Variants in EXOC6B observed in about 807,000 individuals in gnomAD.
EXOC6B encodes the protein exocyst complex component 6B, also known as SEC15 homolog B.
EXOC6B carries 54 observed loss-of-function variants against 113.5 expected under a neutral mutation model. The observed-to-expected ratio is 0.48, with a 90% CI of 0.38 to 0.60. The LOEUF is 0.60. EXOC6B is among the 20% of genes least tolerant of loss of function. EXOC6B has a pLI of 0.00. For missense variants in EXOC6B, 797 were observed against 977.5 expected (o/e 0.82, Z 2.46); for synonymous variants, 357 against 339.0 (o/e 1.05, Z -0.58).
chr2:72,272,882 T>G (rs1405613189), intron 20 of EXOC6B, among the ~76,000 whole-genome samples: 1 of 152,180 alleles, frequency 6.6e-6, no homozygotes, highest in Non-Finnish European at 1.5e-5. Context: ...TACTGAATAA[T>G]TCCCTCCTAT....
At chr2:72,242,650 AAC>A (rs919037791) in intron 20 of EXOC6B, among the ~76,000 whole-genome samples, 10 of 152,242 alleles carry the variant, frequency 6.6e-5, no homozygotes, top group Admixed American at 1.3e-4. Flanking sequence ...AGTCACTTCA[AAC>A]ACAAAACGGT....
At chr2:72,336,680 G>A (rs951266608) in intron 19 of EXOC6B, among the ~76,000 whole-genome samples, 16 of 151,930 alleles carry the variant, frequency 1.1e-4, no homozygotes, top group Admixed American at 1.3e-4. Flanking sequence ...TAATTCTATC[G>A]TATATTGCCC....
intron 20 of EXOC6B, among the ~76,000 whole-genome samples, chr2:72,229,659 T>C (rs1244473378): frequency 2.0e-5 from 3 of 152,190 alleles, no homozygotes; most frequent in African/African-American, 7.2e-5. Context: ...GTTATATTCA[T>C]AGTTAATACT....
At chr2:72,310,712 T>C (rs1355839229) in intron 20 of EXOC6B, among the ~76,000 whole-genome samples, 1 of 152,154 alleles carries the variant, frequency 6.6e-6, no homozygotes. Flanking sequence ...ACTTGCTTTT[T>C]TGATGTCATA....
intron 6 of EXOC6B, among the ~76,000 whole-genome samples, chr2:72,715,152 G>A (rs370555264): frequency 1.3e-5 from 2 of 152,034 alleles, no homozygotes; most frequent in Admixed American, 6.6e-5. Context: ...ACTTGAACCC[G>A]AGAGGCAGAG....
chr2:72,319,909 C>A (rs919421255), intron 20 of EXOC6B, among the ~76,000 whole-genome samples: 2 of 152,010 alleles, frequency 1.3e-5, no homozygotes, highest in Non-Finnish European at 2.9e-5. Context: ...GATCTCAGCC[C>A]ACTACAACCT....
chr2:72,791,677 G>A (rs11693376), intron 1 of EXOC6B, among the ~76,000 whole-genome samples: 83,913 of 152,210 alleles, frequency 0.55, 28,284 homozygotes, highest in East Asian at 0.92. Context: ...CAAATGATGT[G>A]AAAGCTGGGA....
intron 20 of EXOC6B, among the ~76,000 whole-genome samples, chr2:72,250,702 T>C (rs1455880345): frequency 6.6e-6 from 1 of 152,168 alleles, no homozygotes; most frequent in Non-Finnish European, 1.5e-5. Context: ...ATTTACTTGA[T>C]TTGAAATCTA....
intron 18 of EXOC6B, among the ~76,000 whole-genome samples, chr2:72,422,337 T>C (rs534097735): frequency 6.6e-6 from 1 of 152,236 alleles, no homozygotes; most frequent in African/African-American, 2.4e-5. Context: ...AGCTCATGGA[T>C]TGTAAACACC....
At chr2:72,298,398 C>A (rs1269189879) in intron 20 of EXOC6B, among the ~76,000 whole-genome samples, 3 of 152,050 alleles carry the variant, frequency 2.0e-5, no homozygotes, top group Non-Finnish European at 2.9e-5. Context: ...TGAGATGGAT[C>A]TCCTGAATAC....
At chr2:72,397,617 CAAAAA>C (rs1229846045) in intron 18 of EXOC6B, among the ~76,000 whole-genome samples, 2 of 93,412 alleles carry the variant, frequency 2.1e-5, no homozygotes, top group African/African-American at 6.8e-5. Flanking sequence ...AACCTCATCT[CAAAAA>C]AAAAAAATAA....
chr2:72,383,380 C>A (rs143516235), intron 18 of EXOC6B, among the ~76,000 whole-genome samples: 6 of 152,008 alleles, frequency 3.9e-5, no homozygotes, highest in African/African-American at 9.7e-5. Context: ...ATGTGGCCAA[C>A]AAGCATATGA....
chr2:72,814,229 A>G (rs1278055614), intron 1 of EXOC6B, among the ~76,000 whole-genome samples: 1 of 152,256 alleles, frequency 6.6e-6, no homozygotes, highest in Non-Finnish European at 1.5e-5. Context: ...CACTTTTGGC[A>G]AATGGCCTTC....
At chr2:72,350,416 A>G (rs1236386841) in intron 19 of EXOC6B, among the ~76,000 whole-genome samples, 1 of 152,228 alleles carries the variant, frequency 6.6e-6, no homozygotes, top group Non-Finnish European at 1.5e-5. Context: ...TTATGCAATT[A>G]GATCAATATT....
At chr2:72,791,784 T>G (rs1295576378) in intron 1 of EXOC6B, among the ~76,000 whole-genome samples, 2 of 152,238 alleles carry the variant, frequency 1.3e-5, no homozygotes, top group Non-Finnish European at 2.9e-5. Flanking sequence ...ATAGTGAATC[T>G]GACTGCAAAC....
rs549019465 is a variant in EXOC6B at position 72,807,455 on chromosome 2, G to A, written c.113+18343C>T. On this transcript the variant is annotated intron_variant, in intron 1 of 21. Coordinates refer to ENST00000272427, the MANE Select transcript of EXOC6B (RefSeq NM_015189.3). ...AGTATAGTTTGAAGTCAGATAATGT[G>A]ATGCCTCCAGCTTTGTTCTTTCTGC... Among the ~76,000 whole-genome samples the A allele has an allele frequency of 2.0e-5, 3 of 152,242 alleles. No homozygotes were observed. The South Asian group carries it at 6.2e-4, about 32-fold the overall frequency.
intron 1 of EXOC6B, among the ~76,000 whole-genome samples, chr2:72,778,784 T>C (rs1342214838): frequency 1.3e-5 from 2 of 152,170 alleles, no homozygotes; most frequent in African/African-American, 2.4e-5. Context: ...AGTAAAGTTT[T>C]TCCCAAAATG....
At chr2:72,580,625 T>A (rs530526153) in intron 6 of EXOC6B, among the ~76,000 whole-genome samples, 1 of 152,332 alleles carries the variant, frequency 6.6e-6, no homozygotes, top group East Asian at 1.9e-4. Flanking sequence ...TCACCTCTTA[T>A]TCCAGCTACC....
chr2:72,776,411 A>C (rs1048052653), intron 1 of EXOC6B, among the ~76,000 whole-genome samples: 1 of 152,056 alleles, frequency 6.6e-6, no homozygotes, highest in Non-Finnish European at 1.5e-5. Context: ...TAGCTCAGGA[A>C]TTCGAGACTA....
Sources: gnomAD v4.1 joint callset for allele counts (sites outside exome capture counted in the v4.1 genomes callset) on GRCh38, gnomAD v4.1.1 for gene constraint, MANE v1.5 for transcripts, NCBI Gene and HGNC (gene_info 2026-07-23, HGNC 2026-07-21) for gene names.